The following LRRC55 variants were observed in gnomAD, a reference collection of about 807,000 sequenced individuals.
The protein encoded by LRRC55 is leucine rich repeat containing 55.
Under a neutral mutation model 20.5 loss-of-function variants are expected in LRRC55, and 11 were observed. The observed-to-expected ratio is 0.54, with a 90% CI of 0.34 to 0.89. The LOEUF (loss-of-function observed/expected upper bound fraction) is 0.89. LRRC55 is among the 40% of genes least tolerant of loss of function. The pLI is 0.02. For missense variants in LRRC55, 358 were observed against 390.9 expected (o/e 0.92, Z 0.71); for synonymous variants, 188 against 166.6 (o/e 1.13, Z -0.99).
intron 1 of LRRC55, among the ~76,000 whole-genome samples, chr11:57,185,258 T>C: frequency 6.9e-6 from 1 of 145,422 alleles, no homozygotes; most frequent in South Asian, 2.2e-4. Flanking sequence ...TCCCCTTCTT[T>C]TCTTTTCTTT....
At chr11:57,185,297 T>C (rs1854417443) in intron 1 of LRRC55, among the ~76,000 whole-genome samples, 1 of 81,450 alleles carries the variant, frequency 1.2e-5, no homozygotes, top group African/African-American at 5.2e-5. Flanking sequence ...TTTTTTTTTT[T>C]TGAGACAGAG....
At chr11:57,185,270 C>CTTTTTTTTT (rs58800728) in intron 1 of LRRC55, among the ~76,000 whole-genome samples, 28 of 89,434 alleles carry the variant, frequency 3.1e-4, no homozygotes, top group East Asian at 6.7e-4. Flanking sequence ...CTTTTCTTTT[C>CTTTTTTTTT]TTTTTTTTTT....
In LRRC55 at chr11:57,187,650, C is replaced by G; in HGVS notation, c.*170C>G. On this transcript the variant is annotated 3_prime_UTR_variant, in exon 2 of 2. Coordinates refer to ENST00000497933, the MANE Select transcript of LRRC55 (RefSeq NM_001005210.4). ...AGCATCTGCTTTGGGCCAGGCGGCACGCTAGGAATTGGGAACATCAGATGA... is the reference window on the plus strand; with the variant it reads ...AGCATCTGCTTTGGGCCAGGCGGCAGGCTAGGAATTGGGAACATCAGATGA... 2 of 680,714 alleles carry G rather than the reference C, an allele frequency of 2.9e-6. No individual in the cohort carries two copies. Among genetic ancestry groups the G allele is most frequent in the Non-Finnish European group, 5.1e-6 (2 of 390,708 alleles). 42.2% of individuals were successfully genotyped at this position (680,714 alleles called of 1,614,324 possible). A position where few individuals can be genotyped will look rare whatever the true frequency, so the allele number is the denominator to read the frequency against.
intron 1 of LRRC55, among the ~76,000 whole-genome samples, chr11:57,184,883 C>T (rs1854409856): frequency 6.6e-6 from 1 of 152,214 alleles, no homozygotes; most frequent in Non-Finnish European, 1.5e-5. Flanking sequence ...CACTGTCTCA[C>T]CAGTACCCAC....
At position 57,188,788 on chromosome 11, in the gene LRRC55, A is replaced by G. The variant is rs1044797059; in HGVS notation, c.*1308A>G. 2 of 152,228 alleles carry G rather than the reference A, an allele frequency of 1.3e-5. No individual in the cohort carries two copies. Among genetic ancestry groups the G allele is most frequent in the Non-Finnish European group, 2.9e-5 (2 of 68,052 alleles). 9.4% of individuals were successfully genotyped at this position (152,228 alleles called of 1,614,324 possible). ...ACTAGAGCTGACAAAGTTCCTCATA[A>G]GGTCCAGGCACTCCTCTGGGCACTT... On this transcript the variant is annotated 3_prime_UTR_variant, in exon 2 of 2. Transcript: ENST00000497933.
chr11:57,181,966 T>C lies in LRRC55; in HGVS notation c.-57T>C, dbSNP rs564443285. ...CCTTCCTGTGTCACAGACTCTCGAT[T>C]CCATGGACACAGTCCTCATGGGCTC... On this transcript the variant is annotated 5_prime_UTR_variant, in exon 1 of 2. Transcript: ENST00000497933. 1 of 1,613,888 alleles carries C rather than the reference T, an allele frequency of 6.2e-7. No individual in the cohort carries two copies. Among genetic ancestry groups the C allele is most frequent in the Non-Finnish European group, 8.5e-7 (1 of 1,179,946 alleles).
chr11:57,187,053 T>C (rs776490438), intron 1 of LRRC55, among the ~76,000 whole-genome samples, 192 bp from the exon 2 acceptor site: 3 of 152,210 alleles, frequency 2.0e-5, no homozygotes, highest in Non-Finnish European at 4.4e-5. Context: ...TTTCCACATC[T>C]ATAGAAATAG....
At chr11:57,182,772 C>T in intron 1 of LRRC55, 89 bp downstream of exon 1, 1 of 1,312,870 alleles carries the variant, frequency 7.6e-7, no homozygotes, top group Non-Finnish European at 1.0e-6. Context: ...GAACTTAGAG[C>T]CAGAAAGCAC....
In LRRC55 at chr11:57,190,008, T is replaced by C. The variant is rs574103083; in HGVS notation, c.*2528T>C. On this transcript the variant is annotated 3_prime_UTR_variant, in exon 2 of 2. Coordinates refer to ENST00000497933, the MANE Select transcript of LRRC55 (RefSeq NM_001005210.4). ...AGAACTGTGCCCTGCTCTCTCCTTCTGTGATGACCAAGGATGGTGAACTCA... is the reference window on the plus strand; with the variant it reads ...AGAACTGTGCCCTGCTCTCTCCTTCCGTGATGACCAAGGATGGTGAACTCA... 6.6e-6 allele frequency: 1 copy of C among 152,226 alleles called. No homozygotes were observed. Among genetic ancestry groups the C allele is most frequent in the Admixed American group, 6.5e-5 (1 of 15,280 alleles). 9.4% of individuals were successfully genotyped at this position (152,226 alleles called of 1,614,324 possible). A position where few individuals can be genotyped will look rare whatever the true frequency, so the allele number is the denominator to read the frequency against.
intron 1 of LRRC55, among the ~76,000 whole-genome samples, chr11:57,183,563 G>T (rs1200530301): frequency 6.6e-6 from 1 of 152,154 alleles, no homozygotes; most frequent in Admixed American, 6.6e-5. Flanking sequence ...TGAAGAGTCA[G>T]GTTCTGGCCT....
rs1300555671 is a variant in LRRC55 at position 57,187,650 on chromosome 11, C to T, written c.*170C>T. On this transcript the variant is annotated 3_prime_UTR_variant, in exon 2 of 2. Coordinates refer to ENST00000497933, the MANE Select transcript of LRRC55 (RefSeq NM_001005210.4). ...AGCATCTGCTTTGGGCCAGGCGGCACGCTAGGAATTGGGAACATCAGATGA... is the reference window on the plus strand; with the variant it reads ...AGCATCTGCTTTGGGCCAGGCGGCATGCTAGGAATTGGGAACATCAGATGA... 1.0e-5 allele frequency: 7 copies of T among 680,596 alleles called. No homozygotes were observed. The highest frequency in any genetic ancestry group is 8.0e-5 in the Admixed American group (3 of 37,660). 42.2% of individuals were successfully genotyped at this position (680,596 alleles called of 1,614,324 possible).
At chr11:57,184,332 C>T (rs1854401674) in intron 1 of LRRC55, among the ~76,000 whole-genome samples, 1 of 152,180 alleles carries the variant, frequency 6.6e-6, no homozygotes, top group Admixed American at 6.5e-5. Flanking sequence ...CTCTGAGGTC[C>T]CTGCTGCTCT....
Position 57,182,386 on chromosome 11 carries a change from T to C in LRRC55, c.364T>C (p.Tyr122His). ...GCGCTTGGCACACTTGGACCTGAGC[T>C]ACAACAATTTCAGCCATGTGCCAGC... ...AKRLAHLDLS[Y>H]NNFSHVPADM... Residue 122 changes from tyrosine to histidine, a missense_variant, in exon 1 of 2, where the codon TAC (tyrosine) becomes CAC (histidine). Physicochemically the swap from Tyr to His is moderately conservative, Grantham distance 83 (BLOSUM62 2). Coordinates refer to ENST00000497933, the MANE Select transcript of LRRC55 (RefSeq NM_001005210.4). 6.2e-7 allele frequency: 1 copy of C among 1,613,748 alleles called. No individual in the cohort carries two copies. The highest frequency in any genetic ancestry group is 8.5e-7 in the Non-Finnish European group (1 of 1,179,950).
In LRRC55 at chr11:57,187,802, T is replaced by C; in HGVS notation, c.*322T>C. On this transcript the variant is annotated 3_prime_UTR_variant, in exon 2 of 2. Coordinates refer to ENST00000497933, the MANE Select transcript of LRRC55 (RefSeq NM_001005210.4). ...TTATGGAGGCCCAGAGGAGGAGCCA[T>C]CATCTGTATCTAGCAATGTCCATGA... 2.3e-6 allele frequency: 1 copy of C among 431,774 alleles called. No homozygotes were observed. The highest frequency in any genetic ancestry group is 2.7e-5 in the South Asian group (1 of 37,152). The allele number at this position is 431,774 out of a possible 1,614,324, so 26.7% of individuals were successfully genotyped here. A position where few individuals can be genotyped will look rare whatever the true frequency, so the allele number is the denominator to read the frequency against.
chr11:57,186,477 CA>C (rs1366483939), intron 1 of LRRC55, among the ~76,000 whole-genome samples: 7 of 152,072 alleles, frequency 4.6e-5, no homozygotes, highest in African/African-American at 1.4e-4. Context: ...ATAGGGAGCC[CA>C]GGGGGAGGTG....
rs1371721425 is a variant in LRRC55 at position 57,188,724 on chromosome 11, C to T, written c.*1244C>T. On this transcript the variant is annotated 3_prime_UTR_variant, in exon 2 of 2. Transcript: ENST00000497933. ...CTACTGCCCCATCCAAGTTGGGGAA[C>T]ATCACCATTCCCTCTAGAGTTATAT... 4 of 152,234 alleles carry T rather than the reference C, an allele frequency of 2.6e-5. No homozygotes were observed. The highest frequency in any genetic ancestry group is 2.0e-4 in the Admixed American group (3 of 15,292). 9.4% of individuals were successfully genotyped at this position (152,234 alleles called of 1,614,324 possible). A position where few individuals can be genotyped will look rare whatever the true frequency, so the allele number is the denominator to read the frequency against.
Position 57,190,509 on chromosome 11 carries a change from C to T in LRRC55, c.*3029C>T, listed in dbSNP as rs952295801. ...CTAACAATCCTGATTAGAATTGCTC[C>T]CATATCCCTGGTGACCACAGGCTTC... On this transcript the variant is annotated 3_prime_UTR_variant, in exon 2 of 2. Coordinates refer to ENST00000497933, the MANE Select transcript of LRRC55 (RefSeq NM_001005210.4). 6.6e-6 allele frequency: 1 copy of T among 152,196 alleles called. No individual in the cohort carries two copies. The highest frequency in any genetic ancestry group is 2.4e-5 in the African/African-American group (1 of 41,460). 9.4% of individuals were successfully genotyped at this position (152,196 alleles called of 1,614,324 possible).
chr11:57,186,179 G>A (rs867207877), intron 1 of LRRC55, among the ~76,000 whole-genome samples: 17 of 152,152 alleles, frequency 1.1e-4, no homozygotes, highest in Admixed American at 3.3e-4. Context: ...GTGAAGAGGG[G>A]ATTTGAAACT....
intron 1 of LRRC55, among the ~76,000 whole-genome samples, chr11:57,186,546 T>A (rs1590778059): frequency 6.6e-6 from 1 of 152,152 alleles, no homozygotes; most frequent in African/African-American, 2.4e-5. Flanking sequence ...TAATGTGGCA[T>A]TGAGCCAAGT....
Sources: gnomAD v4.1 joint callset for allele counts (sites outside exome capture counted in the v4.1 genomes callset) on GRCh38, gnomAD v4.1.1 for gene constraint, MANE v1.5 for transcripts, NCBI Gene and HGNC (gene_info 2026-07-23, HGNC 2026-07-21) for gene names.